Variants in MEAF6 observed in about 807,000 individuals in gnomAD.
MEAF6 encodes MYST/Esa1 associated factor 6, also known as chromatin modification-related protein MEAF6.
Under a neutral mutation model 28.9 loss-of-function variants are expected in MEAF6, and 15 were observed. That is an observed-to-expected ratio of 0.52 (90% CI 0.35 to 0.80). The LOEUF is 0.80. MEAF6 is among the 30% of genes least tolerant of loss of function. The pLI is 0.01. For missense variants in MEAF6, 178 were observed against 237.5 expected (o/e 0.75, Z 1.65); for synonymous variants, 97 against 88.7 (o/e 1.09, Z -0.53).
chr1:37,495,714 A>C (rs1642108408), intron 6 of MEAF6, among the ~76,000 whole-genome samples, 171 bp downstream of exon 6: 2 of 133,758 alleles, frequency 1.5e-5, no homozygotes, highest in African/African-American at 2.6e-5. Context: ...CAAAAAAAAA[A>C]AAAAACAAAA....
In MEAF6 at chr1:37,509,323, C is replaced by A; in HGVS notation, c.295G>T (p.Ala99Ser). 2 of 1,613,978 alleles carry A rather than the reference C, an allele frequency of 1.2e-6. No individual in the cohort carries two copies. The highest frequency in any genetic ancestry group is 1.7e-6 in the Non-Finnish European group (2 of 1,179,946). Residue 99 changes from alanine to serine, a missense_variant and splice_region_variant, in exon 4 of 7, where the codon GCA (alanine) becomes TCA (serine). By Grantham distance (99) the Ala-to-Ser change is moderately conservative. Around this residue, in one of 2 missense-constraint regions of MEAF6, gnomAD observed 124 missense variants for 200.5 expected, o/e 0.62. Transcript: ENST00000296214. The stretch of plus-strand genomic sequence containing the variant: ...TGAACTCCTGCCAATGCACTTACTG[C>A]CTAAAAGAAAAGCCACCAGTTACTA... ...FSKSSVTSAA[A>S]VSALAGVQDQ...
intron 5 of MEAF6, among the ~76,000 whole-genome samples, chr1:37,500,654 T>C (rs932731039): frequency 6.6e-6 from 1 of 152,164 alleles, no homozygotes; most frequent in East Asian, 1.9e-4. Context: ...CTTAAAATAA[T>C]TGAAGAACCA....
chr1:37,498,835 G>T (rs59319126), intron 5 of MEAF6, among the ~76,000 whole-genome samples: 5,998 of 152,172 alleles, frequency 0.039, 403 homozygotes, highest in African/African-American at 0.14. Context: ...ATCACTTATG[G>T]ATGCTAAAAA....
rs115256311 is a variant in MEAF6 at position 37,509,722 on chromosome 1, G to C, written c.207-180C>G. On this transcript the variant is annotated intron_variant, in intron 2 of 6. Coordinates refer to ENST00000296214, the MANE Select transcript of MEAF6 (RefSeq NM_001270875.3). ...ATATATGGTACATGTCCCACTGTGA[G>C]ACATGAGATTTAGTTGCTTCACATG... is the stretch of plus-strand genomic sequence containing the variant. Among the ~76,000 whole-genome samples, 644 of 152,256 alleles carry C rather than the reference G, an allele frequency of 4.2e-3. 4 individuals are homozygous for C. Among genetic ancestry groups the C allele is most frequent in the African/African-American group, 0.015 (614 of 41,552 alleles).
chr1:37,511,509 C>T (rs1255244375), intron 2 of MEAF6, among the ~76,000 whole-genome samples: 1 of 152,078 alleles, frequency 6.6e-6, no homozygotes, highest in African/African-American at 2.4e-5. Context: ...AGCATAACAT[C>T]CAAAATTACT....
intron 5 of MEAF6, chr1:37,496,668 A>G (rs991846520): frequency 1.3e-6 from 2 of 1,568,132 alleles, no homozygotes; most frequent in African/African-American, 2.7e-5. Context: ...GTGTCTACAC[A>G]CTAAACACAG....
In MEAF6 at chr1:37,493,364, G is replaced by C. The variant is rs1044856243; in HGVS notation, c.*735C>G. 1 of 177,974 alleles carries C rather than the reference G, an allele frequency of 5.6e-6. No individual in the cohort carries two copies. The highest frequency in any genetic ancestry group is 1.2e-5 in the Non-Finnish European group (1 of 85,804). 11.0% of individuals were successfully genotyped at this position (177,974 alleles called of 1,614,324 possible). On this transcript the variant is annotated 3_prime_UTR_variant, in exon 7 of 7. Transcript: ENST00000296214. ...AAAAGAATAAAAAGTTATTTAAAAA[G>C]AACTGATTTAAACTTATGTTTTTCC...
chr1:37,502,788 T>C (rs1333959992), intron 4 of MEAF6, among the ~76,000 whole-genome samples: 2 of 151,752 alleles, frequency 1.3e-5, no homozygotes, highest in Non-Finnish European at 2.9e-5. Context: ...CCCTGCTAAT[T>C]TTTCTATTTT....
intron 2 of MEAF6, 98 bp from the exon 3 acceptor site, chr1:37,509,640 GT>G: frequency 9.3e-7 from 1 of 1,074,090 alleles, no homozygotes; most frequent in Non-Finnish European, 1.4e-6. Flanking sequence ...AAGCTTCCAT[GT>G]CACTCAGACT....
intron 4 of MEAF6, among the ~76,000 whole-genome samples, chr1:37,504,907 A>C (rs1022037668): frequency 1.3e-5 from 2 of 151,636 alleles, no homozygotes; most frequent in African/African-American, 4.8e-5. Flanking sequence ...TTTGAGACAG[A>C]GTCTTGCTGT....
chr1:37,514,457 C>T (rs924213226), intron 1 of MEAF6, 200 bp downstream of exon 1: 2 of 350,128 alleles, frequency 5.7e-6, no homozygotes, highest in Admixed American at 9.9e-5. Flanking sequence ...CCGGCTCTCT[C>T]CCGGCTCCGG....
Position 37,490,449 on chromosome 1 carries a change from A to G in MEAF6, c.*3650T>C, listed in dbSNP as rs1330104125. On this transcript the variant is annotated 3_prime_UTR_variant, in exon 7 of 7. Coordinates refer to ENST00000296214, the MANE Select transcript of MEAF6 (RefSeq NM_001270875.3). ...GGCACTATGACACTATCCTGGGAGA[A>G]GCAAATGTGTACAAAGAAGCACAAT... Among the ~76,000 whole-genome samples the G allele has an allele frequency of 6.6e-6, 1 of 152,148 alleles. No individual in the cohort carries two copies. Among genetic ancestry groups the G allele is most frequent in the Non-Finnish European group, 1.5e-5 (1 of 68,036 alleles).
chr1:37,494,714 T>G (rs1270471875), intron 6 of MEAF6, among the ~76,000 whole-genome samples: 1 of 144,226 alleles, frequency 6.9e-6, no homozygotes, highest in Non-Finnish European at 1.5e-5. Context: ...GCCTGTGGTC[T>G]CAGCTACCCA....
At chr1:37,509,944 T>G (rs1345679863) in intron 2 of MEAF6, among the ~76,000 whole-genome samples, 1 of 151,306 alleles carries the variant, frequency 6.6e-6, no homozygotes, top group East Asian at 1.9e-4. Context: ...ACCTGGCAAA[T>G]TTTTGTATTT....
Position 37,500,607 on chromosome 1 carries a change from A to C in MEAF6, c.533+1197T>G, listed in dbSNP as rs192876298. 1.1e-3 allele frequency among the ~76,000 whole-genome samples: 171 copies of C among 152,332 alleles called. 1 individual carries two copies. The highest frequency in any genetic ancestry group is 1.8e-4 in the Non-Finnish European group (12 of 68,030). On this transcript the variant is annotated intron_variant, in intron 5 of 6. Coordinates refer to ENST00000296214, the MANE Select transcript of MEAF6 (RefSeq NM_001270875.3). ...TATTTGAAGGAAATACTATTTCTGC[A>C]GTCTAGAAAACACCATTACCATCAA...
At chr1:37,495,698 AAAAAAC>A (rs1642102933) in intron 6 of MEAF6, among the ~76,000 whole-genome samples, 181 bp downstream of exon 6, 2 of 65,834 alleles carry the variant, frequency 3.0e-5, no homozygotes, top group African/African-American at 7.9e-5. Context: ...AAAAAAAAAC[AAAAAAC>A]AAAAAAAAAA....
In MEAF6 at chr1:37,490,459, T is replaced by TACAAAGAAGC. The variant is rs1165159959; in HGVS notation, c.*3630_*3639dup. ...CACTATCCTGGGAGAAGCAAATGTG[T>TACAAAGAAGC]ACAAAGAAGCACAATCCTGCTCTCT... is the stretch of plus-strand genomic sequence containing the variant. On this transcript the variant is annotated 3_prime_UTR_variant, in exon 7 of 7. Coordinates refer to ENST00000296214, the MANE Select transcript of MEAF6 (RefSeq NM_001270875.3). Among the ~76,000 whole-genome samples, 1 of 152,062 alleles carries TACAAAGAAGC rather than the reference T, an allele frequency of 6.6e-6. No individual in the cohort carries two copies. Among genetic ancestry groups the TACAAAGAAGC allele is most frequent in the Non-Finnish European group, 1.5e-5 (1 of 68,020 alleles).
intron 2 of MEAF6, among the ~76,000 whole-genome samples, chr1:37,510,381 ATTTTT>A (rs34785696): frequency 1.1e-5 from 1 of 95,012 alleles, no homozygotes; most frequent in Non-Finnish European, 1.9e-5. Context: ...GCACCTAGCC[ATTTTT>A]TTTTTTTTTT....
rs1164222568 is a variant in MEAF6 at position 37,497,241 on chromosome 1, T to C, written c.534-1323A>G. Among the ~76,000 whole-genome samples, 3 of 152,290 alleles carry C rather than the reference T, an allele frequency of 2.0e-5. No individual in the cohort carries two copies. In the East Asian group the frequency reaches 5.8e-4, roughly 29 times the overall value. On this transcript the variant is annotated intron_variant, in intron 5 of 6. Coordinates refer to ENST00000296214, the MANE Select transcript of MEAF6 (RefSeq NM_001270875.3). Reference sequence around the variant, plus strand: ...CAAGTTATATGGGTTTGTTTGTTTGTTTGTTTGTTTGTTTGAAACGGAGTC... The same window carrying C: ...CAAGTTATATGGGTTTGTTTGTTTGCTTGTTTGTTTGTTTGAAACGGAGTC...
Sources: allele counts gnomAD v4.1 joint callset (sites outside exome capture counted in the v4.1 genomes callset), GRCh38; gene constraint gnomAD v4.1.1; regional missense constraint gnomAD v4.1.1; transcripts MANE v1.5; gene names NCBI Gene and HGNC (gene_info 2026-07-23, HGNC 2026-07-21).